The following LIG3 variants were observed in gnomAD, a reference collection of about 807,000 sequenced individuals.
LIG3 encodes the protein ligase II, DNA, ATP-dependent.
In LIG3, 58 loss-of-function variants were observed where a neutral mutation model predicts 110.9. The observed-to-expected ratio is 0.52, with a 90% CI of 0.42 to 0.65. The LOEUF (loss-of-function observed/expected upper bound fraction) is 0.65. Ranked by LOEUF, LIG3 falls within the 30% of genes least tolerant of loss-of-function variation. LIG3 has a pLI of 0.00. For synonymous variants in LIG3, 422 were observed against 472.8 expected, an observed-to-expected ratio of 0.89 and a Z score of 1.39; for missense variants, 1,094 against 1,273.8, an observed-to-expected ratio of 0.86 and a Z score of 2.15.
chr17:34,995,256 A>G (rs183581504), intron 9 of LIG3, among the ~76,000 whole-genome samples: 2 of 152,228 alleles, frequency 1.3e-5, no homozygotes, highest in East Asian at 3.9e-4. Flanking sequence ...CATTTGTTTC[A>G]TATGTTCAAG....
chr17:35,003,057 G>A (rs747961493), intron 19 of LIG3: 77 of 1,613,978 alleles, frequency 4.8e-5, no homozygotes, highest in Admixed American at 1.0e-4. Flanking sequence ...AGAACAGCCC[G>A]GCCTAGCCAG....
rs748277725 is a variant in LIG3, at chr17:35,005,522, A to C, written c.*1016A>C. Reference sequence around the variant, plus strand: ...AGGCCAGTAGCTTTCTTGGCCTACAAAGTAAATGGACAGTATATTATGGAA... The same window carrying C: ...AGGCCAGTAGCTTTCTTGGCCTACACAGTAAATGGACAGTATATTATGGAA... On this transcript the variant is annotated 3_prime_UTR_variant, in exon 20 of 20. Transcript: ENST00000378526. 1 of 573,632 alleles carries C rather than the reference A, an allele frequency of 1.7e-6. No homozygotes were observed. Among genetic ancestry groups the C allele is most frequent in the Non-Finnish European group, 3.5e-6 (1 of 284,748 alleles). 35.5% of individuals were successfully genotyped at this position (573,632 alleles called of 1,614,324 possible). A position where few individuals can be genotyped will look rare whatever the true frequency, so the allele number is the denominator to read the frequency against.
At position 35,004,346 on chromosome 17, in the gene LIG3, G is replaced by A. The variant is rs1370270201; in HGVS notation, c.2870G>A (p.Arg957His). ...PSTPDFSRLR[R>H]YFVAFDGDLV... ...ACACCAGACTTCAGCCGTCTCAGAC[G>A]CTACTTTGTGGCATTCGACGGGGAC... Residue 957 changes from arginine to histidine, a missense_variant, in exon 20 of 20, where the codon CGC becomes CAC. By Grantham distance (29) the Arg-to-His change is conservative (BLOSUM62 0). Transcript: ENST00000378526. The A allele has an allele frequency of 1.2e-6, 2 of 1,614,176 alleles. No homozygotes were observed. The highest frequency in any genetic ancestry group is 2.2e-5 in the East Asian group (1 of 44,880).
At position 34,983,445 on chromosome 17, in the gene LIG3, T is replaced by C. The variant is rs752439656; in HGVS notation, c.440T>C (p.Leu147Pro). 1.2e-6 allele frequency: 2 copies of C among 1,613,950 alleles called. No homozygotes were observed. Among genetic ancestry groups the C allele is most frequent in the Non-Finnish European group, 1.7e-6 (2 of 1,179,998 alleles). ...WYHIKCMFEK[L>P]ERARATTKKI... Reference sequence around the variant, plus strand: ...CACATTAAATGCATGTTTGAGAAACTAGAGCGGGCCCGGGCCACCACAAAA... The same window carrying C: ...CACATTAAATGCATGTTTGAGAAACCAGAGCGGGCCCGGGCCACCACAAAA... Residue 147 changes from leucine to proline, a missense_variant, in exon 2 of 20, where the codon CTA becomes CCA. Leu to Pro is a moderately conservative substitution (Grantham distance 98). Transcript: ENST00000378526.
chr17:34,986,268 G>C (rs1300671333), intron 3 of LIG3, 137 bp downstream of exon 3: 2 of 846,064 alleles, frequency 2.4e-6, no homozygotes, highest in African/African-American at 3.4e-5. Context: ...GCAGAGACTG[G>C]TAATGGCTAA....
At chr17:34,999,886 GC>G in intron 16 of LIG3, 30 bp downstream of exon 16, 1 of 1,565,556 alleles carries the variant, frequency 6.4e-7, no homozygotes, top group Admixed American at 1.7e-5. Flanking sequence ...GGGGCCTCCA[GC>G]TCATAGAATT....
chr17:34,984,195 T>C (rs1263155450), intron 2 of LIG3, among the ~76,000 whole-genome samples: 2 of 152,232 alleles, frequency 1.3e-5, no homozygotes, highest in Non-Finnish European at 2.9e-5. Context: ...TCCTGCAGTA[T>C]AGGATCCCAG....
chr17:34,982,963 C>CTTTT, intron 1 of LIG3, 39 bp from the exon 2 acceptor site: 28 of 1,242,898 alleles, frequency 2.3e-5, no homozygotes, highest in South Asian at 3.7e-5. Context: ...TTGTTTATAT[C>CTTTT]TTTTTTTTTT....
In LIG3 at chr17:35,003,046, T is replaced by C. The variant is rs369853574; in HGVS notation, c.2796+257T>C. The C allele has an allele frequency of 3.7e-6, 6 of 1,614,070 alleles. No homozygotes were observed. The African/African-American group carries it at 4.0e-5, about 11-fold the overall frequency. On this transcript the variant is annotated intron_variant, in intron 19 of 19. Transcript: ENST00000378526. ...AAGAACTGTGCCAGCAGGCAGGAGA[T>C]AGAACAGCCCGGCCTAGCCAGGAGA...
At chr17:35,003,098 G>T in intron 19 of LIG3, 1 of 1,612,150 alleles carries the variant, frequency 6.2e-7, no homozygotes, top group Non-Finnish European at 8.5e-7. Context: ...TCAGCTGCTG[G>T]CCCCAAGTCA....
At chr17:34,981,233 C>T (rs2090587850) in intron 1 of LIG3, 1 of 152,394 alleles carries the variant, frequency 6.6e-6, no homozygotes, top group South Asian at 2.1e-4. Context: ...TCCCGAGCCT[C>T]CCTCAAGTCC....
chr17:35,002,477 A>G (rs2090853488), intron 18 of LIG3, among the ~76,000 whole-genome samples, 191 bp from the exon 19 acceptor site: 1 of 152,078 alleles, frequency 6.6e-6, no homozygotes, highest in Admixed American at 6.5e-5. Flanking sequence ...ATTATCAGCA[A>G]TCCCTACCCT....
At chr17:35,000,649 T>C (rs1454639784) in intron 16 of LIG3, among the ~76,000 whole-genome samples, 1 of 129,752 alleles carries the variant, frequency 7.7e-6, no homozygotes, top group Non-Finnish European at 1.6e-5. Context: ...AGGGTCTCAC[T>C]CTGTTGTCCA....
In LIG3 at chr17:34,997,770, A is replaced by C. The variant is rs765578968; in HGVS notation, c.1856A>C (p.Asp619Ala). The change falls in exon 12 of 20, where the codon GAC (aspartate) becomes GCC (alanine). Residue 619 changes from aspartate (D) to alanine (A), a missense_variant. By Grantham distance (126) the Asp-to-Ala change is moderately radical. Coordinates refer to ENST00000378526, the MANE Select transcript of LIG3 (RefSeq NM_013975.4). ...PLCERRKFLH[D>A]NMVEIPNRIM... ...TGTGAGCGGCGGAAGTTTCTTCATG[A>C]CAACATGGTTGAAATTCCAAACCGG... 66 of 1,614,028 alleles carry C rather than the reference A, an allele frequency of 4.1e-5. No individual in the cohort carries two copies. The highest frequency in any genetic ancestry group is 2.0e-5 in the Non-Finnish European group (24 of 1,180,010).
rs749049514 is a variant in LIG3, at chr17:34,991,688, A to G, written c.1059A>G (p.Thr353=). The change falls in exon 6 of 20, where the codon ACA becomes ACG. Residue 353 remains threonine, a synonymous_variant. Coordinates refer to ENST00000378526, the MANE Select transcript of LIG3 (RefSeq NM_013975.4). Reference sequence around the variant, plus strand: ...GGAGACAGGGTGACGTGTCAGAGACAATCAGAGTCTTCTTTGAGCAGAGCA... The same window carrying G: ...GGAGACAGGGTGACGTGTCAGAGACGATCAGAGTCTTCTTTGAGCAGAGCA... ...RDLEQGDVSE[T]IRVFFEQSKS... 3.1e-6 allele frequency: 5 copies of G among 1,613,868 alleles called. No individual in the cohort carries two copies. The highest frequency in any genetic ancestry group is 3.3e-5 in the Admixed American group (2 of 59,986).
At chr17:34,996,346 TTTTG>T (rs1278098947) in intron 10 of LIG3, 151 bp downstream of exon 10, 4 of 1,045,950 alleles carry the variant, frequency 3.8e-6, no homozygotes, top group Non-Finnish European at 5.4e-6. Flanking sequence ...GATTTTTGTC[TTTTG>T]TTTTTCTCCT....
In LIG3 at chr17:35,004,408, G is replaced by C. The variant is rs755498333; in HGVS notation, c.2932G>C (p.Val978Leu). 6.2e-7 allele frequency: 1 copy of C among 1,614,212 alleles called. No individual in the cohort carries two copies. The highest frequency in any genetic ancestry group is 2.2e-5 in the East Asian group (1 of 44,874). ...QEFDMTSATHVLGSRDKNPAA... is the reference protein window; with the variant it reads ...QEFDMTSATHLLGSRDKNPAA... The stretch of plus-strand genomic sequence containing the variant: ...ATTTGATATGACTTCAGCCACGCAC[G>C]TGCTGGGTAGCAGGGACAAGAACCC... The change falls in exon 20 of 20, where the codon GTG becomes CTG. Residue 978 changes from valine (V) to leucine (L), a missense_variant. Coordinates refer to ENST00000378526, the MANE Select transcript of LIG3 (RefSeq NM_013975.4).
Position 34,990,985 on chromosome 17 carries a change from C to T in LIG3, c.912C>T (p.Tyr304=), listed in dbSNP as rs538323902. The change falls in exon 5 of 20, where the codon TAC becomes TAT. Residue 304 remains tyrosine, a synonymous_variant. Transcript: ENST00000378526. The part of the protein sequence containing the change: ...SAGDGFHGDV[Y]LTVKLLLPGV... ...CAGATGGTTTCCACGGTGATGTGTACCTAACAGTGAAGCTGCTGCTGCCAG... is the reference window on the plus strand; with the variant it reads ...CAGATGGTTTCCACGGTGATGTGTATCTAACAGTGAAGCTGCTGCTGCCAG... 1.2e-6 allele frequency: 2 copies of T among 1,614,096 alleles called. No homozygotes were observed. Among genetic ancestry groups the T allele is most frequent in the African/African-American group, 2.7e-5 (2 of 75,024 alleles).
At chr17:35,010,308 A>G (rs551942853), downstream of LIG3, 3 of 152,292 alleles carry the variant, frequency 2.0e-5, no homozygotes, top group East Asian at 5.8e-4. Context: ...TGGTAATGGG[A>G]AAACACTCTG....
Sources: gnomAD v4.1 joint callset for allele counts (sites outside exome capture counted in the v4.1 genomes callset) on GRCh38, gnomAD v4.1.1 for gene constraint, MANE v1.5 for transcripts, NCBI Gene and HGNC (gene_info 2026-07-23, HGNC 2026-07-21) for gene names.